The following INPP4B variants were observed in gnomAD, a reference collection of about 807,000 sequenced individuals.
INPP4B encodes the protein inositol polyphosphate 4-phosphatase type II.
Under a neutral mutation model 122.5 loss-of-function variants are expected in INPP4B, and 55 were observed. That is an observed-to-expected ratio of 0.45 (90% CI 0.36 to 0.56). The LOEUF is 0.56. INPP4B is among the 20% of genes least tolerant of loss of function. INPP4B has a pLI of 0.00. For synonymous variants in INPP4B, 403 were observed against 388.7 expected (o/e 1.04, Z -0.43); for missense variants, 1,000 against 1,097.7 (o/e 0.91, Z 1.26).
chr4:142,696,679 A>G (rs1323543913), intron 2 of INPP4B, among the ~76,000 whole-genome samples: 1 of 152,148 alleles, frequency 6.6e-6, no homozygotes, highest in African/African-American at 2.4e-5. Context: ...GTTGTTCTCC[A>G]AACATTTCAA....
chr4:142,651,202 C>T (rs1752893820), intron 2 of INPP4B, among the ~76,000 whole-genome samples: 1 of 152,128 alleles, frequency 6.6e-6, no homozygotes. Context: ...ACCAGAATCT[C>T]TGGGACACAG....
At chr4:142,279,697 C>A (rs193202957) in intron 9 of INPP4B, among the ~76,000 whole-genome samples, 65 of 151,926 alleles carry the variant, frequency 4.3e-4, no homozygotes, top group African/African-American at 1.4e-3. Context: ...TCTTAGAGTT[C>A]TTTAGTGTGA....
At chr4:142,228,700 C>A (rs1222298150) in intron 12 of INPP4B, among the ~76,000 whole-genome samples, 3 of 151,386 alleles carry the variant, frequency 2.0e-5, no homozygotes, top group African/African-American at 4.8e-5. Context: ...AATACACATG[C>A]AATTTTATAA....
rs891370631 is a variant in INPP4B, at chr4:142,487,323, C to T, written c.-190-24597G>A. Among the ~76,000 whole-genome samples, 2 of 152,228 alleles carry T rather than the reference C, an allele frequency of 1.3e-5. 1 individual carries two copies. Among genetic ancestry groups the T allele is most frequent in the Non-Finnish European group, 2.9e-5 (2 of 68,010 alleles). Reference sequence around the variant, plus strand: ...TGAGCAGTGTAAAAATGGACTAATACATTATGCTAGTACCACAATGTCTGG... The same window carrying T: ...TGAGCAGTGTAAAAATGGACTAATATATTATGCTAGTACCACAATGTCTGG... On this transcript the variant is annotated intron_variant, in intron 2 of 25. Coordinates refer to ENST00000262992, the MANE Select transcript of INPP4B (RefSeq NM_001101669.3).
At chr4:142,344,741 GA>G (rs1295822475) in intron 7 of INPP4B, among the ~76,000 whole-genome samples, 4 of 151,920 alleles carry the variant, frequency 2.6e-5, no homozygotes, top group African/African-American at 9.7e-5. Flanking sequence ...GGAGGAAGAG[GA>G]TCAGGAAAAA....
At chr4:142,280,823 T>A (rs535333281) in intron 9 of INPP4B, among the ~76,000 whole-genome samples, 22 of 152,148 alleles carry the variant, frequency 1.4e-4, no homozygotes, top group African/African-American at 5.3e-4. Context: ...CAAGCAAATT[T>A]CTGACATTTA....
intron 7 of INPP4B, among the ~76,000 whole-genome samples, chr4:142,385,556 A>C (rs1795691483): frequency 6.6e-6 from 1 of 152,162 alleles, no homozygotes; most frequent in Non-Finnish European, 1.5e-5. Context: ...ATTTAATTGG[A>C]AAAGAGAAAA....
At chr4:142,354,662 A>T (rs1782991204) in intron 7 of INPP4B, among the ~76,000 whole-genome samples, 1 of 152,020 alleles carries the variant, frequency 6.6e-6, no homozygotes, top group Non-Finnish European at 1.5e-5. Context: ...TTCACTAGTT[A>T]GAAAACTGAA....
intron 2 of INPP4B, among the ~76,000 whole-genome samples, chr4:142,570,416 G>A (rs1041040071): frequency 2.0e-5 from 3 of 151,908 alleles, no homozygotes; most frequent in African/African-American, 7.2e-5. Flanking sequence ...AGTAATAGGG[G>A]TAACATTTCT....
At chr4:142,250,805 A>G (rs1222865770) in intron 11 of INPP4B, among the ~76,000 whole-genome samples, 1 of 152,186 alleles carries the variant, frequency 6.6e-6, no homozygotes, top group Non-Finnish European at 1.5e-5. Context: ...ACTGGACTAC[A>G]GACATTTAGA....
chr4:142,271,756 C>G (rs915940635), intron 9 of INPP4B, among the ~76,000 whole-genome samples: 4 of 152,056 alleles, frequency 2.6e-5, no homozygotes, highest in African/African-American at 9.7e-5. Context: ...CTATCTTCTC[C>G]AAGTCATTGA....
At chr4:142,512,771 T>C (rs1824905603) in intron 2 of INPP4B, among the ~76,000 whole-genome samples, 1 of 152,204 alleles carries the variant, frequency 6.6e-6, no homozygotes, top group African/African-American at 2.4e-5. Context: ...AACTGTGGCA[T>C]TGGAAAATTG....
chr4:142,764,299 TA>T (rs1276291634), intron 1 of INPP4B, among the ~76,000 whole-genome samples: 1 of 152,132 alleles, frequency 6.6e-6, no homozygotes, highest in Non-Finnish European at 1.5e-5. Context: ...TCTTGACTTT[TA>T]AAATGGTAGT....
At chr4:142,673,037 C>G (rs1757223489) in intron 2 of INPP4B, among the ~76,000 whole-genome samples, 2 of 152,104 alleles carry the variant, frequency 1.3e-5, no homozygotes, top group Non-Finnish European at 2.9e-5. Context: ...ATCACATGGC[C>G]ATCCTACTTC....
At chr4:142,117,446 T>C (rs1794179182) in intron 21 of INPP4B, among the ~76,000 whole-genome samples, 1 of 152,042 alleles carries the variant, frequency 6.6e-6, no homozygotes, top group Admixed American at 6.6e-5. Flanking sequence ...CAGCAGCACA[T>C]CAATAAGCTT....
At chr4:142,261,374 C>T (rs1739903934) in intron 10 of INPP4B, among the ~76,000 whole-genome samples, 1 of 152,052 alleles carries the variant, frequency 6.6e-6, no homozygotes, top group Non-Finnish European at 1.5e-5. Context: ...AATGAGTTTC[C>T]TTTTATCTTT....
intron 1 of INPP4B, among the ~76,000 whole-genome samples, chr4:142,821,292 T>A (rs540130710): frequency 6.6e-6 from 1 of 152,246 alleles, no homozygotes; most frequent in Admixed American, 6.5e-5. Flanking sequence ...TATACTATTT[T>A]ATCATGGAGC....
chr4:142,606,098 C>T (rs1741199493), intron 2 of INPP4B, among the ~76,000 whole-genome samples: 1 of 151,924 alleles, frequency 6.6e-6, no homozygotes, highest in Non-Finnish European at 1.5e-5. Context: ...TTTGCAGCAA[C>T]ATGGATGGAA....
At chr4:142,283,722 T>C (rs776428617) in intron 9 of INPP4B, among the ~76,000 whole-genome samples, 1 of 152,150 alleles carries the variant, frequency 6.6e-6, no homozygotes, top group Non-Finnish European at 1.5e-5. Flanking sequence ...TGGTTGTATA[T>C]GCAGTCTGTC....
Sources: allele counts gnomAD v4.1 joint callset (sites outside exome capture counted in the v4.1 genomes callset), GRCh38; gene constraint gnomAD v4.1.1; transcripts MANE v1.5; gene names NCBI Gene and HGNC (gene_info 2026-07-23, HGNC 2026-07-21).